RGS7: variants seen among roughly 807,000 people sequenced by gnomAD.
RGS7 encodes regulator of G-protein signaling 7.
A neutral mutation model predicts 81.1 loss-of-function variants in RGS7; 27 were observed. The ratio of observed to expected loss-of-function variants is 0.33; its 90% CI spans 0.25 to 0.46. The LOEUF (loss-of-function observed/expected upper bound fraction) is 0.46. RGS7 is among the 20% of genes least tolerant of loss of function. RGS7 has a pLI of 1.00. For synonymous variants in RGS7, 208 were observed against 207.7 expected, an observed-to-expected ratio of 1.00 and a Z score of -0.01; for missense variants, 396 against 607.4, an observed-to-expected ratio of 0.65 and a Z score of 3.66.
At chr1:241,107,517 A>G (rs1392771573) in intron 2 of RGS7, among the ~76,000 whole-genome samples, 2 of 152,130 alleles carry the variant, frequency 1.3e-5, no homozygotes, top group East Asian at 3.9e-4. Flanking sequence ...AGTAAACTAT[A>G]ACTAATCAAA....
intron 4 of RGS7, among the ~76,000 whole-genome samples, chr1:240,969,894 T>C (rs1343235552): frequency 6.6e-6 from 1 of 152,222 alleles, no homozygotes; most frequent in African/African-American, 2.4e-5. Context: ...TTAAATCAAA[T>C]GTATCTGGGT....
At position 241,063,748 on chromosome 1, in the gene RGS7, T is replaced by A. The variant is rs896022942; in HGVS notation, c.175+34918A>T. Reference sequence around the variant, plus strand: ...CTATTATGTACCAAGCACTGCTCTGTTTTTTTTTTATTGCATGTAAAAATG... The same window carrying A: ...CTATTATGTACCAAGCACTGCTCTGATTTTTTTTTATTGCATGTAAAAATG... On this transcript the variant is annotated intron_variant, in intron 3 of 18. Coordinates refer to ENST00000440928, the MANE Select transcript of RGS7 (RefSeq NM_001364886.1). Among the ~76,000 whole-genome samples the A allele has an allele frequency of 3.7e-5, 5 of 136,562 alleles. No individual in the cohort carries two copies. In the East Asian group the frequency reaches 1.0e-3, roughly 27 times the overall value. The allele number at this position is 136,562 out of a possible 152,430, so 89.6% of individuals were successfully genotyped here. A position where few individuals can be genotyped will look rare whatever the true frequency, so the allele number is the denominator to read the frequency against.
At chr1:241,349,431 T>C (rs1369385546) in intron 2 of RGS7, among the ~76,000 whole-genome samples, 1 of 152,234 alleles carries the variant, frequency 6.6e-6, no homozygotes, top group African/African-American at 2.4e-5. Flanking sequence ...ACAATGTATC[T>C]TTCCAGATAG....
intron 10 of RGS7, among the ~76,000 whole-genome samples, chr1:240,819,472 G>A (rs922241079): frequency 6.6e-5 from 10 of 152,214 alleles, no homozygotes; most frequent in Non-Finnish European, 1.3e-4. Flanking sequence ...CGGGCGTGGT[G>A]GCTCATGCCT....
At chr1:240,891,430 T>C (rs952979874) in intron 6 of RGS7, among the ~76,000 whole-genome samples, 4 of 152,188 alleles carry the variant, frequency 2.6e-5, no homozygotes, top group Non-Finnish European at 5.9e-5. Context: ...CTTTCTTTTT[T>C]ATAATAACCA....
chr1:240,780,306 G>T (rs1431001652), intron 18 of RGS7, among the ~76,000 whole-genome samples: 1 of 151,724 alleles, frequency 6.6e-6, no homozygotes, highest in Non-Finnish European at 1.5e-5. Flanking sequence ...AATCAGCTGG[G>T]TGTGGCGGGG....
chr1:240,840,174 G>A (rs785970), intron 9 of RGS7, among the ~76,000 whole-genome samples: 101,264 of 151,942 alleles, frequency 0.67, 33,838 homozygotes, highest in Middle Eastern at 0.77. Flanking sequence ...AAACTACAGC[G>A]ACATCACATC....
chr1:240,919,627 GA>G (rs11346533), intron 6 of RGS7: 204,074 of 378,092 alleles, frequency 0.54, 57,041 homozygotes, highest in Middle Eastern at 0.63. Context: ...TAGTACAAAT[GA>G]AAAGTCTCTC....
chr1:241,341,643 A>G (rs978235202), intron 2 of RGS7, among the ~76,000 whole-genome samples: 4 of 152,110 alleles, frequency 2.6e-5, no homozygotes, highest in African/African-American at 9.7e-5. Flanking sequence ...AGACCAACCC[A>G]GTAACAACGG....
At chr1:240,847,892 C>G (rs529792736) in intron 9 of RGS7, among the ~76,000 whole-genome samples, 38 of 152,220 alleles carry the variant, frequency 2.5e-4, no homozygotes, top group African/African-American at 8.7e-4. Flanking sequence ...TTTATTTATT[C>G]TGGGATTTCA....
At chr1:241,310,529 C>A (rs976539602) in intron 2 of RGS7, among the ~76,000 whole-genome samples, 5 of 149,980 alleles carry the variant, frequency 3.3e-5, no homozygotes, top group Non-Finnish European at 7.4e-5. Context: ...AAAATATATG[C>A]AACACAAGAA....
intron 4 of RGS7, among the ~76,000 whole-genome samples, chr1:240,938,821 CGTGT>C (rs112229453): frequency 0.11 from 16,058 of 146,418 alleles, 999 homozygotes; most frequent in African/African-American, 0.19. Flanking sequence ...CAATTTTGTG[CGTGT>C]GTGTGTGTGT....
intron 2 of RGS7, among the ~76,000 whole-genome samples, chr1:241,157,344 G>A (rs533707694): frequency 1.3e-5 from 2 of 152,282 alleles, no homozygotes; most frequent in South Asian, 2.1e-4. Context: ...TTCAGTGAAC[G>A]GGGAGAGGAC....
intron 2 of RGS7, among the ~76,000 whole-genome samples, chr1:241,251,435 C>T (rs1415837405): frequency 6.6e-6 from 1 of 152,132 alleles, no homozygotes; most frequent in East Asian, 1.9e-4. Context: ...GAGTTAAGCA[C>T]TTGAAGTTTG....
At chr1:241,047,742 T>TC (rs1420359945) in intron 3 of RGS7, among the ~76,000 whole-genome samples, 1 of 142,086 alleles carries the variant, frequency 7.0e-6, no homozygotes, top group Admixed American at 7.0e-5. Context: ...CCTTTTTTTT[T>TC]TTTTTTTTTT....
chr1:241,269,664 C>T (rs1027732485), intron 2 of RGS7, among the ~76,000 whole-genome samples: 1 of 152,062 alleles, frequency 6.6e-6, no homozygotes, highest in African/African-American at 2.4e-5. Flanking sequence ...GGGAAGAAAT[C>T]GAAAAAGAAA....
Position 240,833,539 on chromosome 1 carries a change from T to A in RGS7, c.610-6367A>T, listed in dbSNP as rs148957961. Among the ~76,000 whole-genome samples the A allele has an allele frequency of 5.1e-3, 778 of 152,286 alleles. 6 individuals carry two copies. The highest frequency in any genetic ancestry group is 0.018 in the African/African-American group (753 of 41,546). On this transcript the variant is annotated intron_variant, in intron 9 of 18. Transcript: ENST00000440928. Reference sequence around the variant, plus strand: ...TTAGAGTATTAAATGCATTTTTGACTTACTATATTTTTGGCTTACAGTGGC... The same window carrying A: ...TTAGAGTATTAAATGCATTTTTGACATACTATATTTTTGGCTTACAGTGGC...
chr1:241,067,716 T>C (rs1195214780), intron 3 of RGS7, among the ~76,000 whole-genome samples: 3 of 152,040 alleles, frequency 2.0e-5, no homozygotes, highest in Admixed American at 1.3e-4. Context: ...GGTTTCACCA[T>C]GTTGGCCAGG....
At chr1:240,822,441 A>G (rs1691969303) in intron 10 of RGS7, among the ~76,000 whole-genome samples, 1 of 152,194 alleles carries the variant, frequency 6.6e-6, no homozygotes, top group African/African-American at 2.4e-5. Context: ...GAAAATGACT[A>G]AAACAAAATT....
Sources: gnomAD v4.1 joint callset for allele counts (sites outside exome capture counted in the v4.1 genomes callset) on GRCh38, gnomAD v4.1.1 for gene constraint, MANE v1.5 for transcripts, NCBI Gene and HGNC (gene_info 2026-07-23, HGNC 2026-07-21) for gene names.